The following FSD2 variants were observed in gnomAD, a reference collection of about 807,000 sequenced individuals.
FSD2 encodes the protein fibronectin type III and SPRY domain containing 2.
Under a neutral mutation model 80.4 loss-of-function variants are expected in FSD2, and 71 were observed. That is an observed-to-expected ratio of 0.88 (90% CI 0.73 to 1.08). The LOEUF is 1.08. Ranked by LOEUF, FSD2 falls within the 50% of genes least tolerant of loss-of-function variation. The pLI, the probability that FSD2 is intolerant of heterozygous loss-of-function variation, is 0.00. For synonymous variants in FSD2, 361 were observed against 329.5 expected (o/e 1.10, Z -1.03); for missense variants, 923 against 913.8 (o/e 1.01, Z -0.13).
At chr15:82,769,578 T>A (rs888822256) in intron 8 of FSD2, among the ~76,000 whole-genome samples, 172 bp downstream of exon 8, 3 of 148,460 alleles carry the variant, frequency 2.0e-5, no homozygotes, top group African/African-American at 5.0e-5. Flanking sequence ...AAAAAAAAAA[T>A]GTCACTGTCA....
intron 1 of FSD2, among the ~76,000 whole-genome samples, chr15:82,789,263 C>T (rs1234746632): frequency 1.3e-5 from 2 of 151,564 alleles, no homozygotes; most frequent in Non-Finnish European, 2.9e-5. Flanking sequence ...AAAAGACATA[C>T]AATATGATGT....
chr15:82,802,676 T>A (rs1417211718), intron 1 of FSD2, among the ~76,000 whole-genome samples: 1 of 152,124 alleles, frequency 6.6e-6, no homozygotes, highest in African/African-American at 2.4e-5. Context: ...TATGGGCCTC[T>A]TATCAGCCAG....
In FSD2 at chr15:82,801,626, C is replaced by G. The variant is rs188012357; in HGVS notation, c.-79+4340G>C. Reference sequence around the variant, plus strand: ...CATTAGGTGACAAAGATGCTGCTATCCTAACCCAATGCCATGTATGTTATT... The same window carrying G: ...CATTAGGTGACAAAGATGCTGCTATGCTAACCCAATGCCATGTATGTTATT... On this transcript the variant is annotated intron_variant, in intron 1 of 12. Coordinates refer to ENST00000334574, the MANE Select transcript of FSD2 (RefSeq NM_001007122.4). Among the ~76,000 whole-genome samples, 4 of 152,318 alleles carry G rather than the reference C, an allele frequency of 2.6e-5. No individual in the cohort carries two copies. The East Asian group carries it at 7.7e-4, about 29-fold the overall frequency.
intron 6 of FSD2, among the ~76,000 whole-genome samples, chr15:82,773,705 A>G (rs1362228019): frequency 6.6e-6 from 1 of 152,190 alleles, no homozygotes; most frequent in Non-Finnish European, 1.5e-5. Flanking sequence ...AATGGTCCCC[A>G]AGATCTATGA....
intron 11 of FSD2, among the ~76,000 whole-genome samples, 181 bp downstream of exon 11, chr15:82,764,985 G>A (rs2049380047): frequency 6.6e-6 from 1 of 151,930 alleles, no homozygotes; most frequent in South Asian, 2.1e-4. Context: ...GCCTGCACCT[G>A]CCTGACCCCT....
intron 6 of FSD2, among the ~76,000 whole-genome samples, chr15:82,775,153 C>T (rs1052273476): frequency 3.3e-5 from 5 of 151,576 alleles, no homozygotes; most frequent in African/African-American, 1.2e-4. Context: ...AATCCCAGCA[C>T]TTTGGGAGGT....
At chr15:82,779,034 A>G (rs1029702305) in intron 5 of FSD2, 147 bp from the exon 6 acceptor site, 6 of 975,530 alleles carry the variant, frequency 6.2e-6, no homozygotes, top group African/African-American at 4.9e-5. Flanking sequence ...GCCATCTACC[A>G]TCTTTTTTGG....
At chr15:82,778,125 ACC>A (rs1351395497) in intron 6 of FSD2, among the ~76,000 whole-genome samples, 6 of 41,426 alleles carry the variant, frequency 1.4e-4, no homozygotes, top group South Asian at 6.1e-4. Flanking sequence ...ACACAAAAAA[ACC>A]ATATATATAT....
chr15:82,802,021 A>G (rs962719624), intron 1 of FSD2, among the ~76,000 whole-genome samples: 2 of 152,142 alleles, frequency 1.3e-5, no homozygotes, highest in African/African-American at 2.4e-5. Context: ...TTGCCTTCAT[A>G]TGATTTATGA....
chr15:82,769,006 G>A lies in FSD2; in HGVS notation c.1427C>T (p.Thr476Ile), dbSNP rs1310548744. Residue 476 changes from threonine to isoleucine, a missense_variant, in exon 9 of 13, where the codon ACC becomes ATC. Transcript: ENST00000334574. ...MTAPSPPIIK[T>I]KEIRSCEEAV... is the part of the protein sequence containing the mutation. ...CTCTTCACAGCTCCTTATCTCTTTGGTTTTAATAATGGGGGGAGAAGGTGC... is the reference window on the plus strand; with the variant it reads ...CTCTTCACAGCTCCTTATCTCTTTGATTTTAATAATGGGGGGAGAAGGTGC... 1 of 1,592,952 alleles carries A rather than the reference G, an allele frequency of 6.3e-7. No homozygotes were observed. Among genetic ancestry groups the A allele is most frequent in the Non-Finnish European group, 8.5e-7 (1 of 1,171,640 alleles).
rs1350398947 is a variant in FSD2 at position 82,799,733 on chromosome 15, A to G, written c.-79+6233T>C. The stretch of plus-strand genomic sequence containing the variant: ...AGCCCTGCCAGAACTCCTCCTCTCA[A>G]TAAGGTTTCTCAAACTTTCCTGCAC... On this transcript the variant is annotated intron_variant, in intron 1 of 12. Coordinates refer to ENST00000334574, the MANE Select transcript of FSD2 (RefSeq NM_001007122.4). Among the ~76,000 whole-genome samples the G allele has an allele frequency of 2.0e-5, 3 of 152,232 alleles. No homozygotes were observed. The East Asian group carries it at 5.8e-4, about 29-fold the overall frequency.
intron 1 of FSD2, among the ~76,000 whole-genome samples, chr15:82,793,237 A>T (rs1251717638): frequency 6.6e-6 from 1 of 151,816 alleles, no homozygotes; most frequent in African/African-American, 2.4e-5. Flanking sequence ...AAAATTAGGG[A>T]TTACAGGTAC....
At chr15:82,789,201 A>G (rs1281099205) in intron 1 of FSD2, among the ~76,000 whole-genome samples, 2 of 152,248 alleles carry the variant, frequency 1.3e-5, no homozygotes, top group East Asian at 3.9e-4. Flanking sequence ...TACACTACAT[A>G]GAATACAAAG....
At chr15:82,783,739 A>T (rs2151515833) in intron 3 of FSD2, among the ~76,000 whole-genome samples, 1 of 152,158 alleles carries the variant, frequency 6.6e-6, no homozygotes, top group Admixed American at 6.5e-5. Flanking sequence ...TTAACATCTC[A>T]TGAGGCTCCT....
intron 3 of FSD2, among the ~76,000 whole-genome samples, chr15:82,783,557 G>C (rs542104227): frequency 6.6e-6 from 1 of 152,334 alleles, no homozygotes; most frequent in South Asian, 2.1e-4. Flanking sequence ...CTAAACAAAA[G>C]CACTGCTTTC....
chr15:82,765,617 T>A (rs1220477364), intron 10 of FSD2, among the ~76,000 whole-genome samples: 4 of 152,204 alleles, frequency 2.6e-5, no homozygotes, highest in Non-Finnish European at 5.9e-5. Context: ...GCCCCTCTGA[T>A]TCCAGAGGCT....
intron 1 of FSD2, among the ~76,000 whole-genome samples, chr15:82,798,256 G>A (rs1045787687): frequency 6.6e-6 from 1 of 151,998 alleles, no homozygotes; most frequent in Non-Finnish European, 1.5e-5. Flanking sequence ...AAGGTGGGAG[G>A]ATCACTTTAG....
At chr15:82,786,269 C>T (rs1004793858) in intron 3 of FSD2, among the ~76,000 whole-genome samples, 9 of 152,140 alleles carry the variant, frequency 5.9e-5, no homozygotes, top group African/African-American at 4.8e-5. Flanking sequence ...TTGAGACAGA[C>T]GACCCAGCTT....
chr15:82,786,691 G>A (rs763043564), intron 2 of FSD2, 61 bp downstream of exon 2: 29 of 1,605,016 alleles, frequency 1.8e-5, no homozygotes, highest in East Asian at 1.1e-4. Flanking sequence ...TATTCCCTGC[G>A]TATGTACTTG....
Sources: gnomAD v4.1 joint callset for allele counts (sites outside exome capture counted in the v4.1 genomes callset) on GRCh38, gnomAD v4.1.1 for gene constraint, MANE v1.5 for transcripts, NCBI Gene and HGNC (gene_info 2026-07-23, HGNC 2026-07-21) for gene names.